The following EDRF1 variants were observed in gnomAD, a reference collection of about 807,000 sequenced individuals.
The protein encoded by EDRF1 is erythroid differentiation regulatory factor 1, also known as erythroid differentiation-related factor 1.
EDRF1 carries 69 observed loss-of-function variants against 148.7 expected under a neutral mutation model. The ratio of observed to expected loss-of-function variants is 0.46; its 90% CI spans 0.38 to 0.57. EDRF1 has a LOEUF of 0.57. Ranked by LOEUF, EDRF1 falls within the 20% of genes least tolerant of loss-of-function variation. The probability of loss-of-function intolerance (pLI) is 0.00; values close to 1 mark genes in which losing one functional copy is unlikely to be tolerated. For missense variants in EDRF1, 1,118 were observed against 1,478.7 expected (o/e 0.76, Z 4.00); for synonymous variants, 515 against 532.8 (o/e 0.97, Z 0.46).
At chr10:125,735,195 GT>G (rs869222334) in intron 12 of EDRF1, among the ~76,000 whole-genome samples, 262 of 78,976 alleles carry the variant, frequency 3.3e-3, no homozygotes, top group Non-Finnish European at 5.5e-3. Context: ...TAATGTAATG[GT>G]TTTTTTTTTC....
At chr10:125,753,619 A>T in intron 23 of EDRF1, 75 bp from the exon 24 acceptor site, 1 of 1,497,204 alleles carries the variant, frequency 6.7e-7, no homozygotes. Flanking sequence ...ATGAAACTGC[A>T]GTTCCATCAC....
intron 19 of EDRF1, among the ~76,000 whole-genome samples, chr10:125,746,217 TA>T (rs1446280740): frequency 1.3e-5 from 2 of 152,180 alleles, no homozygotes; most frequent in Non-Finnish European, 2.9e-5. Flanking sequence ...AGTGAAACTG[TA>T]AAAGTATTAG....
In EDRF1 at chr10:125,763,170, G is replaced by T. The variant is rs1431192504; in HGVS notation, c.3546-131G>T. The T allele has an allele frequency of 1.1e-6, 1 of 888,514 alleles. No individual in the cohort carries two copies. The highest frequency in any genetic ancestry group is 1.8e-6 in the Non-Finnish European group (1 of 544,594). 55.0% of individuals were successfully genotyped at this position (888,514 alleles called of 1,614,324 possible). A position where few individuals can be genotyped will look rare whatever the true frequency, so the allele number is the denominator to read the frequency against. ...TGTAAAAGAAGGCAGGTCTGAACCC[G>T]GCAGGAGAGGAATGCCTGCTGCTCT... On this transcript the variant is annotated intron_variant, in intron 24 of 24. Transcript: ENST00000356792. This position sits in a 1 kb window ranked among gnomAD's most constrained non-coding sequence, Gnocchi z 4.3.
In EDRF1 at chr10:125,719,770, C is replaced by G. The variant is rs926138872; in HGVS notation, c.-38C>G. On this transcript the variant is annotated 5_prime_UTR_variant, in exon 1 of 25. Transcript: ENST00000356792. ...GGCCTGCGTTGCTGCTGCTGCTCCT[C>G]CGCTCCCCCGTCGTATCGCCTGCCC... The G allele has an allele frequency of 1.9e-6, 3 of 1,558,398 alleles. No individual in the cohort carries two copies. The highest frequency in any genetic ancestry group is 2.7e-5 in the African/African-American group (2 of 73,772).
At chr10:125,739,720 G>T (rs1173910963) in intron 15 of EDRF1, among the ~76,000 whole-genome samples, 1 of 152,180 alleles carries the variant, frequency 6.6e-6, no homozygotes, top group East Asian at 1.9e-4. Flanking sequence ...GGGAAGGGGT[G>T]GGTGTTTTTG....
intron 17 of EDRF1, 139 bp downstream of exon 17, chr10:125,741,340 G>A (rs1425585999): frequency 1.8e-5 from 17 of 939,380 alleles, no homozygotes; most frequent in Admixed American, 6.0e-5. Context: ...TTTTTGAGAC[G>A]GAGTTTCGCT....
rs1848683210 is a variant in EDRF1, at chr10:125,735,542, A to G, written c.1498-102A>G. On this transcript the variant is annotated intron_variant, in intron 12 of 24. Transcript: ENST00000356792. ...GTGTTACAGTCTATATGGTGGAAAC[A>G]GCCTGTGTGCAGACCTCCTCCTAAA... 3 of 1,122,912 alleles carry G rather than the reference A, an allele frequency of 2.7e-6. No homozygotes were observed. The Admixed American group carries it at 5.9e-5, about 22-fold the overall frequency. 69.6% of individuals were successfully genotyped at this position (1,122,912 alleles called of 1,614,324 possible). A position where few individuals can be genotyped will look rare whatever the true frequency, so the allele number is the denominator to read the frequency against.
At chr10:125,730,573 T>C (rs1848440292) in intron 9 of EDRF1, among the ~76,000 whole-genome samples, 174 bp downstream of exon 9, 1 of 152,212 alleles carries the variant, frequency 6.6e-6, no homozygotes, top group Non-Finnish European at 1.5e-5. Flanking sequence ...TTGTAGATGT[T>C]ATAGAAGTAT....
intron 13 of EDRF1, among the ~76,000 whole-genome samples, chr10:125,736,273 G>A (rs994115793): frequency 3.3e-5 from 5 of 152,242 alleles, no homozygotes; most frequent in African/African-American, 1.2e-4. Flanking sequence ...AGTAGAGAAG[G>A]GGGTGGCTCT....
At chr10:125,730,188 G>A in intron 8 of EDRF1, 100 bp from the exon 9 acceptor site, 2 of 909,776 alleles carry the variant, frequency 2.2e-6, no homozygotes, top group South Asian at 2.8e-5. Flanking sequence ...TCTATCTAGA[G>A]AGGACAGCTT....
intron 13 of EDRF1, among the ~76,000 whole-genome samples, chr10:125,737,675 T>C (rs1466673201): frequency 1.3e-5 from 2 of 152,214 alleles, no homozygotes; most frequent in Non-Finnish European, 2.9e-5. Flanking sequence ...TAATTATGAG[T>C]GGAGCTGACC....
intron 5 of EDRF1, 112 bp from the exon 6 acceptor site, chr10:125,725,570 T>G: frequency 6.4e-7 from 1 of 1,566,076 alleles, no homozygotes. Context: ...TTCATATTTC[T>G]TTTTTACAAG....
intron 24 of EDRF1, among the ~76,000 whole-genome samples, chr10:125,762,029 T>C (rs1472206612): frequency 1.3e-5 from 2 of 152,180 alleles, no homozygotes; most frequent in Non-Finnish European, 2.9e-5. Flanking sequence ...CTTGCTGTAC[T>C]GTGGTTGTTG....
intron 23 of EDRF1, 92 bp from the exon 24 acceptor site, chr10:125,753,602 T>C: frequency 7.3e-7 from 1 of 1,370,370 alleles, no homozygotes. Flanking sequence ...AAAAATGTAT[T>C]GGATGAATGA....
In EDRF1 at chr10:125,763,787, A is replaced by C. The variant is rs1047406921; in HGVS notation, c.*315A>C. On this transcript the variant is annotated 3_prime_UTR_variant, in exon 25 of 25. Coordinates refer to ENST00000356792, the MANE Select transcript of EDRF1 (RefSeq NM_001202438.2). This position sits in a 1 kb window ranked among gnomAD's most constrained non-coding sequence, Gnocchi z 4.3. ...ACGTATTTTTGAAGTATGTCAAGCT[A>C]CACGGGTCTAAGATATGATTATTTT... is the stretch of plus-strand genomic sequence containing the variant. 1 of 398,276 alleles carries C rather than the reference A, an allele frequency of 2.5e-6. No individual in the cohort carries two copies. The highest frequency in any genetic ancestry group is 2.0e-5 in the African/African-American group (1 of 48,890). The allele number at this position is 398,276 out of a possible 1,614,324, so 24.7% of individuals were successfully genotyped here.
Position 125,763,252 on chromosome 10 carries a change from G to A in EDRF1, c.3546-49G>A, listed in dbSNP as rs1186637275. The stretch of plus-strand genomic sequence containing the variant: ...GGTTTTCTGGACCTCTGAATTGTCG[G>A]TAGGCATTGCTGGTCCCTTACCTGT... On this transcript the variant is annotated intron_variant, in intron 24 of 24. Transcript: ENST00000356792. The surrounding 1 kb of genome is among the most constrained non-coding windows in gnomAD (Gnocchi z 4.3). The A allele has an allele frequency of 5.1e-6, 8 of 1,560,976 alleles. No homozygotes were observed. The highest frequency in any genetic ancestry group is 7.0e-6 in the Non-Finnish European group (8 of 1,141,194).
At chr10:125,726,001 C>A in intron 6 of EDRF1, 163 bp downstream of exon 6, 1 of 855,268 alleles carries the variant, frequency 1.2e-6, no homozygotes, top group Non-Finnish European at 1.8e-6. Context: ...TGGAGAAATA[C>A]TTTTTAGTTT....
chr10:125,724,669 C>G (rs1848167902), intron 4 of EDRF1, among the ~76,000 whole-genome samples: 1 of 152,180 alleles, frequency 6.6e-6, no homozygotes, highest in South Asian at 2.1e-4. Flanking sequence ...AGCCTAGATT[C>G]TCAAATTGTA....
intron 4 of EDRF1, among the ~76,000 whole-genome samples, chr10:125,724,813 C>T (rs1441791025): frequency 6.6e-6 from 1 of 152,202 alleles, no homozygotes; most frequent in Non-Finnish European, 1.5e-5. Flanking sequence ...AGTTCATGGT[C>T]AGTCTTTAAA....
Sources: gnomAD v4.1 joint callset for allele counts (sites outside exome capture counted in the v4.1 genomes callset) on GRCh38, gnomAD v4.1.1 for gene constraint, Gnocchi (gnomAD v3.1) non-coding constraint, MANE v1.5 for transcripts, NCBI Gene and HGNC (gene_info 2026-07-23, HGNC 2026-07-21) for gene names.